CDH13: variants seen among roughly 807,000 people sequenced by gnomAD.
CDH13 encodes the protein cadherin 13, also known as cadherin-13.
In CDH13, 24 loss-of-function variants were observed where a neutral mutation model predicts 63.8. That is an observed-to-expected ratio of 0.38 (90% CI 0.27 to 0.53). The LOEUF is 0.53. Among genes scored for constraint, CDH13 ranks in the 20% least tolerant of loss-of-function variants. The pLI is 0.85. For synonymous variants in CDH13, 503 were observed against 355.3 expected (o/e 1.42, Z -4.67); for missense variants, 1,049 against 903.1 (o/e 1.16, Z -2.07).
At chr16:82,753,008 C>G (rs1432832016) in intron 1 of CDH13, among the ~76,000 whole-genome samples, 1 of 152,160 alleles carries the variant, frequency 6.6e-6, no homozygotes, top group Non-Finnish European at 1.5e-5. Flanking sequence ...TATTCATTGC[C>G]TTTGCTTTTA....
intron 11 of CDH13, among the ~76,000 whole-genome samples, chr16:83,762,923 T>A (rs60303047): frequency 0.045 from 6,837 of 152,238 alleles, 546 homozygotes; most frequent in African/African-American, 0.16. Context: ...TCTGCCAAGT[T>A]TAAAGAAAGA....
chr16:82,658,960 G>T (rs980307828), intron 1 of CDH13, among the ~76,000 whole-genome samples: 3 of 152,196 alleles, frequency 2.0e-5, no homozygotes, highest in African/African-American at 4.8e-5. Context: ...TGTGAGCATA[G>T]TTCCTAAAGC....
chr16:83,611,111 C>G (rs1237747883), intron 8 of CDH13, among the ~76,000 whole-genome samples: 1 of 152,148 alleles, frequency 6.6e-6, no homozygotes, highest in Non-Finnish European at 1.5e-5. Context: ...AATACCTTTT[C>G]AAGTCTTTCA....
Position 83,698,073 on chromosome 16 carries a change from G to C in CDH13, c.1538+19612G>C, listed in dbSNP as rs1472372896. Among the ~76,000 whole-genome samples, 6 of 152,220 alleles carry C rather than the reference G, an allele frequency of 3.9e-5. No individual in the cohort carries two copies. In the East Asian group the frequency reaches 1.2e-3, roughly 29 times the overall value. On this transcript the variant is annotated intron_variant, in intron 10 of 13. Coordinates refer to ENST00000567109, the MANE Select transcript of CDH13 (RefSeq NM_001257.5). ...CCCCTTGAGGGCACGGACCATGTTG[G>C]TCTTCAAGTGGGCCTGGCAAATAAT...
At chr16:82,934,766 AAGC>A in intron 2 of CDH13, among the ~76,000 whole-genome samples, 1 of 152,248 alleles carries the variant, frequency 6.6e-6, no homozygotes, top group African/African-American at 2.4e-5. Flanking sequence ...CTCTTTGCTA[AAGC>A]ATAGCAAGAG....
chr16:83,450,834 C>G (rs1441059916), intron 6 of CDH13, among the ~76,000 whole-genome samples: 1 of 152,118 alleles, frequency 6.6e-6, no homozygotes, highest in Non-Finnish European at 1.5e-5. Flanking sequence ...GGTGCCACTG[C>G]ACTCCAGCCT....
intron 4 of CDH13, among the ~76,000 whole-genome samples, chr16:83,159,642 A>C (rs1026285045): frequency 2.0e-5 from 3 of 152,230 alleles, no homozygotes; most frequent in Non-Finnish European, 2.9e-5. Flanking sequence ...TTGTTGGGTC[A>C]CAGTGGTCAC....
intron 6 of CDH13, among the ~76,000 whole-genome samples, chr16:83,356,319 G>C (rs1034410426): frequency 5.3e-5 from 8 of 150,888 alleles, no homozygotes; most frequent in African/African-American, 1.9e-4. Flanking sequence ...TTTTATAGTA[G>C]CCCAGCTTGC....
At chr16:83,558,864 G>T (rs561067024) in intron 7 of CDH13, among the ~76,000 whole-genome samples, 1 of 152,162 alleles carries the variant, frequency 6.6e-6, no homozygotes, top group Non-Finnish European at 1.5e-5. Context: ...GTGGTCATGC[G>T]TAGTGTGCGG....
chr16:82,723,716 C>T (rs180773300), intron 1 of CDH13, among the ~76,000 whole-genome samples: 1 of 152,132 alleles, frequency 6.6e-6, no homozygotes, highest in East Asian at 1.9e-4. Context: ...TTACAATGTT[C>T]ACTTGTTGAA....
intron 7 of CDH13, among the ~76,000 whole-genome samples, chr16:83,583,347 A>T (rs1057353538): frequency 1.4e-5 from 2 of 144,752 alleles, no homozygotes; most frequent in African/African-American, 5.2e-5. Context: ...GGCGACCACC[A>T]TTCAACACAT....
intron 10 of CDH13, among the ~76,000 whole-genome samples, chr16:83,703,867 A>G (rs1011617489): frequency 1.3e-5 from 2 of 152,174 alleles, no homozygotes; most frequent in African/African-American, 4.8e-5. Flanking sequence ...CGAACTCGCA[A>G]TTACTCCCTG....
intron 1 of CDH13, among the ~76,000 whole-genome samples, chr16:82,663,444 C>T (rs1462990425): frequency 6.6e-6 from 1 of 152,066 alleles, no homozygotes; most frequent in Non-Finnish European, 1.5e-5. Flanking sequence ...CTCGGCCTCC[C>T]AAAATGCTGG....
chr16:82,801,065 G>A (rs1366122142), intron 1 of CDH13, among the ~76,000 whole-genome samples: 5 of 152,110 alleles, frequency 3.3e-5, no homozygotes, highest in Non-Finnish European at 2.9e-5. Flanking sequence ...AATTTTTCAA[G>A]TACTCTCAGG....
intron 3 of CDH13, among the ~76,000 whole-genome samples, chr16:83,052,012 T>C (rs1384974562): frequency 2.0e-5 from 3 of 152,176 alleles, no homozygotes; most frequent in Non-Finnish European, 2.9e-5. Context: ...AATTCAGATA[T>C]TGTAAGAGAA....
intron 3 of CDH13, among the ~76,000 whole-genome samples, chr16:83,062,946 TTA>T (rs2031688457): frequency 6.7e-6 from 1 of 150,202 alleles, no homozygotes; most frequent in Non-Finnish European, 1.5e-5. Context: ...ATCAGATGTC[TTA>T]TGTGGTGGTT....
At chr16:83,732,996 C>G (rs1027734524) in intron 10 of CDH13, among the ~76,000 whole-genome samples, 1 of 152,222 alleles carries the variant, frequency 6.6e-6, no homozygotes, top group African/African-American at 2.4e-5. Context: ...TGGGAGCTCG[C>G]TACCTTGTGT....
chr16:83,233,548 G>T (rs1333235857), intron 5 of CDH13, among the ~76,000 whole-genome samples: 1 of 152,172 alleles, frequency 6.6e-6, no homozygotes, highest in Non-Finnish European at 1.5e-5. Context: ...GGCAGAGCTG[G>T]CTTCTTCTGG....
chr16:83,216,425 T>TATATATATATATATATATATAAAA (rs1567513997), intron 4 of CDH13, among the ~76,000 whole-genome samples: 2 of 101,082 alleles, frequency 2.0e-5, no homozygotes, highest in African/African-American at 7.5e-5. Flanking sequence ...TATATATATA[T>TATATATATATATATATATATAAAA]ATATATATAT....
Sources: gnomAD v4.1 joint callset for allele counts (sites outside exome capture counted in the v4.1 genomes callset) on GRCh38, gnomAD v4.1.1 for gene constraint, MANE v1.5 for transcripts, NCBI Gene and HGNC (gene_info 2026-07-23, HGNC 2026-07-21) for gene names.